Variants in FBXL5 observed in about 807,000 individuals in gnomAD.
The protein encoded by FBXL5 is F-box/LRR-repeat protein 5.
FBXL5 carries 26 observed loss-of-function variants against 78.3 expected under a neutral mutation model. The observed-to-expected ratio is 0.33, with a 90% CI of 0.24 to 0.46. The LOEUF is 0.46. FBXL5 is among the 20% of genes least tolerant of loss of function. The pLI is 1.00. For synonymous variants in FBXL5, 295 were observed against 282.5 expected, an observed-to-expected ratio of 1.04 and a Z score of -0.45; for missense variants, 710 against 829.2, an observed-to-expected ratio of 0.86 and a Z score of 1.77.
chr4:15,673,705 G>A (rs1717855818), intron 1 of FBXL5, among the ~76,000 whole-genome samples: 3 of 152,180 alleles, frequency 2.0e-5, no homozygotes, highest in Admixed American at 2.0e-4. Context: ...CTTACCTGAA[G>A]AATCAGGAGA....
chr4:15,630,884 A>C, intron 5 of FBXL5, 93 bp from the exon 6 acceptor site: 1 of 1,513,708 alleles, frequency 6.6e-7, no homozygotes, highest in South Asian at 1.2e-5. Context: ...AAATCTCTAC[A>C]AAGAGAAAAC....
intron 9 of FBXL5, among the ~76,000 whole-genome samples, chr4:15,621,018 ACT>A (rs1712421939): frequency 6.6e-6 from 1 of 151,736 alleles, no homozygotes; most frequent in South Asian, 2.1e-4. Flanking sequence ...TCTGTTCAGG[ACT>A]CTCAGCTCTG....
At chr4:15,646,337 C>T (rs1715341573) in intron 1 of FBXL5, among the ~76,000 whole-genome samples, 1 of 151,078 alleles carries the variant, frequency 6.6e-6, no homozygotes, top group African/African-American at 2.4e-5. Context: ...AAAACACAGG[C>T]AGGACATACT....
At chr4:15,625,163 T>A in intron 9 of FBXL5, 89 bp downstream of exon 9, 2 of 1,422,252 alleles carry the variant, frequency 1.4e-6, no homozygotes, top group Non-Finnish European at 9.4e-7. Flanking sequence ...GTAAATCAAC[T>A]GAAAAGAATG....
At chr4:15,646,797 T>C (rs892024477) in intron 1 of FBXL5, among the ~76,000 whole-genome samples, 2 of 151,214 alleles carry the variant, frequency 1.3e-5, no homozygotes, top group Non-Finnish European at 2.9e-5. Context: ...CATGCGGTGT[T>C]TGGTTTTTTT....
chr4:15,625,269 G>T lies in FBXL5; in HGVS notation c.1833C>A (p.Ile611=). The part of the protein sequence containing the change: ...LFLSLSGCYQ[I]TDHGLRVLTL... The stretch of plus-strand genomic sequence containing the variant: ...TAACTCACCTGAGACCATGGTCTGT[G>T]ATCTGATAACATCCAGATAAACTGA... The change falls in exon 9 of 11, where the codon ATC becomes ATA. Residue 611 remains isoleucine, a synonymous_variant. Transcript: ENST00000341285. The T allele has an allele frequency of 6.2e-7, 1 of 1,611,918 alleles. No homozygotes were observed. The highest frequency in any genetic ancestry group is 1.1e-5 in the South Asian group (1 of 90,770).
intron 5 of FBXL5, among the ~76,000 whole-genome samples, chr4:15,635,768 A>G (rs1359091020): frequency 6.6e-6 from 1 of 151,772 alleles, no homozygotes; most frequent in East Asian, 1.9e-4. Flanking sequence ...AAAGAAAAAA[A>G]AAAAAAAAAA....
chr4:15,641,583 G>A (rs1489947915), intron 2 of FBXL5: 3 of 456,970 alleles, frequency 6.6e-6, no homozygotes, highest in Non-Finnish European at 1.3e-5. Flanking sequence ...ATTGTTATTC[G>A]ATTGTTTTAT....
Position 15,636,615 on chromosome 4 carries a change from T to A in FBXL5, c.645A>T (p.Ser215=). The change falls in exon 5 of 11, where the codon TCA becomes TCT. Residue 215 remains serine (S), a synonymous_variant. Coordinates refer to ENST00000341285, the MANE Select transcript of FBXL5 (RefSeq NM_012161.4). ...ITHLPPEVML[S]IFSYLNPQEL... The stretch of plus-strand genomic sequence containing the variant: ...CTTGAGGATTAAGATAGCTGAAAAT[T>A]GACAGCATTACCTCAGGAGGAAGAT... 1 of 1,614,058 alleles carries A rather than the reference T, an allele frequency of 6.2e-7. No homozygotes were observed. The highest frequency in any genetic ancestry group is 8.5e-7 in the Non-Finnish European group (1 of 1,179,954).
At chr4:15,630,929 T>C in intron 5 of FBXL5, 138 bp from the exon 6 acceptor site, 2 of 1,057,058 alleles carry the variant, frequency 1.9e-6, no homozygotes, top group Non-Finnish European at 2.7e-6. Context: ...CTGTTTTTTT[T>C]TAATACTTTT....
intron 1 of FBXL5, among the ~76,000 whole-genome samples, chr4:15,670,586 A>G (rs1481585000): frequency 1.3e-5 from 2 of 152,174 alleles, no homozygotes; most frequent in African/African-American, 2.4e-5. Context: ...ATGCATATAT[A>G]GCCAGTGGTT....
At chr4:15,660,140 A>C (rs1452274463), upstream of FBXL5, among the ~76,000 whole-genome samples, 1 of 151,580 alleles carries the variant, frequency 6.6e-6, no homozygotes, top group Non-Finnish European at 1.5e-5. Flanking sequence ...GTGCAGTGGC[A>C]CAAACATAGC....
intron 5 of FBXL5, among the ~76,000 whole-genome samples, chr4:15,635,922 A>C (rs1714217226): frequency 6.6e-6 from 1 of 152,128 alleles, no homozygotes; most frequent in South Asian, 2.1e-4. Context: ...TACTATAATG[A>C]TATTAATATG....
intron 5 of FBXL5, 128 bp downstream of exon 5, chr4:15,636,366 T>A: frequency 1.0e-5 from 7 of 699,628 alleles, no homozygotes; most frequent in Non-Finnish European, 1.5e-5. Context: ...CACCAAAACA[T>A]CATCTAACTA....
chr4:15,680,261 T>A (rs891517205), intron 1 of FBXL5, among the ~76,000 whole-genome samples: 1 of 152,184 alleles, frequency 6.6e-6, no homozygotes, highest in African/African-American at 2.4e-5. Flanking sequence ...CCGTGAAGAC[T>A]ATTAGGAATG....
chr4:15,608,414 A>C (rs1369538796), intron 10 of FBXL5, among the ~76,000 whole-genome samples: 1 of 152,062 alleles, frequency 6.6e-6, no homozygotes, highest in Non-Finnish European at 1.5e-5. Context: ...ATGCTCCTGA[A>C]GTCTAAGGGA....
At chr4:15,644,089 C>A (rs189578338) in intron 2 of FBXL5, among the ~76,000 whole-genome samples, 6 of 152,304 alleles carry the variant, frequency 3.9e-5, no homozygotes, top group Admixed American at 3.3e-4. Flanking sequence ...AATCTCTCAG[C>A]CTTAGTATCT....
chr4:15,632,585 T>C (rs541766272), intron 5 of FBXL5, among the ~76,000 whole-genome samples: 1 of 152,252 alleles, frequency 6.6e-6, no homozygotes, highest in East Asian at 1.9e-4. Context: ...CCTCTTTTAT[T>C]TTGTTGAGCA....
Position 15,640,856 on chromosome 4 carries a change from T to C in FBXL5, c.328A>G (p.Lys110Glu), listed in dbSNP as rs753504950. 1 of 1,553,836 alleles carries C rather than the reference T, an allele frequency of 6.4e-7. No homozygotes were observed. The highest frequency in any genetic ancestry group is 8.7e-7 in the Non-Finnish European group (1 of 1,152,622). ...GCCTCCAATCTCTCTTTCAGTTGTTTTGCATAATTTAACTGTTCATATTCA... is the reference window on the plus strand; with the variant it reads ...GCCTCCAATCTCTCTTTCAGTTGTTCTGCATAATTTAACTGTTCATATTCA... Reference protein sequence around the residue: ...KNEYEQLNYAKQLKERLEAFT... With the variant: ...KNEYEQLNYAEQLKERLEAFT... The change falls in exon 3 of 11, where the codon AAA becomes GAA. Residue 110 changes from lysine (K) to glutamate (E), a missense_variant. Lys to Glu is a moderately conservative substitution (Grantham distance 56). This residue lies in a region of FBXL5 where 132 missense variants were observed against 156.9 expected (regional missense o/e 0.84). Coordinates refer to ENST00000341285, the MANE Select transcript of FBXL5 (RefSeq NM_012161.4).
Sources: gnomAD v4.1 joint callset for allele counts (sites outside exome capture counted in the v4.1 genomes callset) on GRCh38, gnomAD v4.1.1 for gene constraint, gnomAD v4.1.1 regional missense constraint, MANE v1.5 for transcripts, NCBI Gene and HGNC (gene_info 2026-07-23, HGNC 2026-07-21) for gene names.